Variants in MARCHF1 observed in about 807,000 individuals in gnomAD.
MARCHF1 encodes the protein E3 ubiquitin-protein ligase MARCHF1.
In MARCHF1, 40 loss-of-function variants were observed where a neutral mutation model predicts 54.2. The observed-to-expected ratio is 0.74, with a 90% confidence interval of 0.57 to 0.96. The LOEUF is 0.96. Ranked by LOEUF, MARCHF1 falls within the 40% of genes least tolerant of loss-of-function variation. The pLI, the probability that MARCHF1 is intolerant of heterozygous loss-of-function variation, is 0.00. For synonymous variants in MARCHF1, 236 were observed against 236.3 expected (o/e 1.00, Z 0.01); for missense variants, 586 against 656.5 (o/e 0.89, Z 1.17).
intron 3 of MARCHF1, among the ~76,000 whole-genome samples, chr4:163,963,609 TCACACC>T (rs1752383102): frequency 6.6e-6 from 1 of 151,932 alleles, no homozygotes; most frequent in Non-Finnish European, 1.5e-5. Flanking sequence ...TTCCAAGTAG[TCACACC>T]CACAATTCCC....
chr4:163,611,345 G>T (rs1333299532), intron 7 of MARCHF1, among the ~76,000 whole-genome samples: 1 of 151,918 alleles, frequency 6.6e-6, no homozygotes, highest in Non-Finnish European at 1.5e-5. Flanking sequence ...GCCCTCAATG[G>T]ACATGAGCAG....
At chr4:163,879,888 A>G (rs1183531021) in intron 3 of MARCHF1, among the ~76,000 whole-genome samples, 1 of 151,910 alleles carries the variant, frequency 6.6e-6, no homozygotes, top group Non-Finnish European at 1.5e-5. Context: ...GCATACATTG[A>G]AAGATTTAAT....
intron 5 of MARCHF1, among the ~76,000 whole-genome samples, chr4:163,697,219 C>G (rs992188072): frequency 6.6e-6 from 1 of 152,114 alleles, no homozygotes; most frequent in Admixed American, 6.5e-5. Context: ...TAGGCAACCA[C>G]ATGTACCAAG....
At chr4:164,050,595 A>G (rs184340222) in intron 2 of MARCHF1, among the ~76,000 whole-genome samples, 4 of 152,312 alleles carry the variant, frequency 2.6e-5, no homozygotes, top group Admixed American at 2.0e-4. Context: ...AGCAGGCAGC[A>G]TTAGCATCCC....
chr4:164,120,017 T>C (rs1756031588), intron 1 of MARCHF1, among the ~76,000 whole-genome samples: 1 of 151,956 alleles, frequency 6.6e-6, no homozygotes, highest in Admixed American at 6.6e-5. Flanking sequence ...GATAACTAAA[T>C]TTGATTAAAC....
intron 7 of MARCHF1, among the ~76,000 whole-genome samples, chr4:163,596,815 G>C (rs555934678): frequency 6.6e-6 from 1 of 152,198 alleles, no homozygotes; most frequent in South Asian, 2.1e-4. Flanking sequence ...AATTTGTTAG[G>C]TTGCTGCAAA....
At chr4:163,780,798 C>T (rs1169212133) in intron 4 of MARCHF1, among the ~76,000 whole-genome samples, 2 of 152,090 alleles carry the variant, frequency 1.3e-5, no homozygotes, top group African/African-American at 4.8e-5. Flanking sequence ...ATTCTATGTG[C>T]GTTTGGCAGG....
chr4:163,811,380 A>G (rs778438447), intron 4 of MARCHF1, among the ~76,000 whole-genome samples: 1 of 152,108 alleles, frequency 6.6e-6, no homozygotes, highest in Non-Finnish European at 1.5e-5. Flanking sequence ...AAGGAAACCA[A>G]AACTGCTGGG....
chr4:164,144,325 T>C (rs1286098459), intron 1 of MARCHF1, among the ~76,000 whole-genome samples: 1 of 151,816 alleles, frequency 6.6e-6, no homozygotes, highest in Non-Finnish European at 1.5e-5. Flanking sequence ...GGGGACCTAA[T>C]AGACATCTAC....
At chr4:164,096,314 A>G (rs1262178661) in intron 2 of MARCHF1, among the ~76,000 whole-genome samples, 1 of 152,148 alleles carries the variant, frequency 6.6e-6, no homozygotes, top group African/African-American at 2.4e-5. Context: ...CTAACACAGA[A>G]ACAGAAAACC....
chr4:163,718,879 T>C (rs116250817), intron 4 of MARCHF1, among the ~76,000 whole-genome samples: 226 of 152,332 alleles, frequency 1.5e-3, no homozygotes, highest in African/African-American at 5.1e-3. Flanking sequence ...TGTTAGCATC[T>C]GCTATTGTAA....
chr4:164,169,977 G>A (rs1168293832), intron 1 of MARCHF1, among the ~76,000 whole-genome samples: 1 of 151,924 alleles, frequency 6.6e-6, no homozygotes, highest in Non-Finnish European at 1.5e-5. Flanking sequence ...CCATTTTCTG[G>A]CCAGTTTTTC....
chr4:163,998,693 C>T (rs1464650623), intron 2 of MARCHF1, among the ~76,000 whole-genome samples: 2 of 151,648 alleles, frequency 1.3e-5, no homozygotes, highest in Non-Finnish European at 3.0e-5. Flanking sequence ...TCTATGAGTT[C>T]AACTTTGTTA....
chr4:163,729,923 T>G (rs188238179), intron 4 of MARCHF1, among the ~76,000 whole-genome samples: 44 of 152,226 alleles, frequency 2.9e-4, no homozygotes, highest in Non-Finnish European at 5.4e-4. Context: ...TCATTCTACT[T>G]GGAGTTCATT....
intron 4 of MARCHF1, among the ~76,000 whole-genome samples, chr4:163,719,977 T>G (rs1745393033): frequency 6.6e-6 from 1 of 152,240 alleles, no homozygotes; most frequent in South Asian, 2.1e-4. Flanking sequence ...TTCTGTAGGT[T>G]GCCTGTTCAC....
At chr4:164,159,554 T>A (rs865776915) in intron 1 of MARCHF1, among the ~76,000 whole-genome samples, 2 of 152,114 alleles carry the variant, frequency 1.3e-5, no homozygotes, top group Admixed American at 6.6e-5. Context: ...TTTTTAAGTG[T>A]TGGAAATGAT....
At chr4:164,205,604 A>C (rs1731584568) in intron 1 of MARCHF1, among the ~76,000 whole-genome samples, 1 of 152,208 alleles carries the variant, frequency 6.6e-6, no homozygotes, top group African/African-American at 2.4e-5. Flanking sequence ...CATAGGTTCT[A>C]TCAATTTAGT....
At chr4:164,101,465 G>A (rs532508802) in intron 2 of MARCHF1, among the ~76,000 whole-genome samples, 4 of 125,096 alleles carry the variant, frequency 3.2e-5, no homozygotes, top group South Asian at 3.0e-4. Flanking sequence ...CCTGACCCCC[G>A]AGCAGCCTAA....
chr4:164,316,019 A>C (rs1734987029), intron 1 of MARCHF1, among the ~76,000 whole-genome samples: 1 of 152,126 alleles, frequency 6.6e-6, no homozygotes, highest in African/African-American at 2.4e-5. Flanking sequence ...AAAATTCCTA[A>C]TTTGTAAACT....
Sources: gnomAD v4.1 joint callset for allele counts (sites outside exome capture counted in the v4.1 genomes callset) on GRCh38, gnomAD v4.1.1 for gene constraint, MANE v1.5 for transcripts, NCBI Gene and HGNC (gene_info 2026-07-23, HGNC 2026-07-21) for gene names.